Variants in WSCD2 observed in about 807,000 individuals in gnomAD.
WSCD2 encodes sialate:O-sulfotransferase 2.
Under a neutral mutation model 55.7 loss-of-function variants are expected in WSCD2, and 28 were observed. The observed-to-expected ratio is 0.50, with a 90% CI of 0.37 to 0.69. WSCD2 has a LOEUF of 0.69. Among genes scored for constraint, WSCD2 ranks in the 30% least tolerant of loss-of-function variants. WSCD2 has a pLI of 0.00. For missense variants in WSCD2, 616 were observed against 762.1 expected (o/e 0.81, Z 2.26); for synonymous variants, 301 against 301.9 (o/e 1.00, Z 0.03).
intron 1 of WSCD2, among the ~76,000 whole-genome samples, chr12:108,190,983 G>A (rs1288012873): frequency 6.6e-6 from 1 of 152,212 alleles, no homozygotes; most frequent in Non-Finnish European, 1.5e-5. Context: ...GAAGATGGCA[G>A]CTCAGAGAGA....
At chr12:108,247,043 G>A (rs1347442187) in intron 8 of WSCD2, among the ~76,000 whole-genome samples, 1 of 152,164 alleles carries the variant, frequency 6.6e-6, no homozygotes, top group African/African-American at 2.4e-5. Flanking sequence ...TTGTACAAGA[G>A]CTCCATTATT....
chr12:108,191,639 T>A (rs1883177898), intron 1 of WSCD2, among the ~76,000 whole-genome samples: 1 of 152,210 alleles, frequency 6.6e-6, no homozygotes, highest in African/African-American at 2.4e-5. Flanking sequence ...AACCTGACTC[T>A]TTTTACTCAT....
At chr12:108,135,986 C>T (rs1876168466) in intron 1 of WSCD2, among the ~76,000 whole-genome samples, 1 of 152,202 alleles carries the variant, frequency 6.6e-6, no homozygotes, top group African/African-American at 2.4e-5. Context: ...AACTTGCTGA[C>T]CCATGAGCTA....
intron 1 of WSCD2, among the ~76,000 whole-genome samples, chr12:108,173,716 A>G (rs776614860): frequency 2.6e-5 from 4 of 152,054 alleles, no homozygotes; most frequent in Admixed American, 2.0e-4. Flanking sequence ...CTGTACAACC[A>G]GGAGTCCTGT....
intron 7 of WSCD2, among the ~76,000 whole-genome samples, chr12:108,238,069 TG>T (rs1327402171): frequency 6.6e-6 from 1 of 152,236 alleles, no homozygotes; most frequent in Non-Finnish European, 1.5e-5. Flanking sequence ...CCTTTGTCCA[TG>T]TCATGCAGAG....
At chr12:108,235,019 C>T (rs79565616) in intron 7 of WSCD2, among the ~76,000 whole-genome samples, 4,307 of 152,216 alleles carry the variant, frequency 0.028, 188 homozygotes, top group African/African-American at 0.097. Flanking sequence ...TCTGATCTAA[C>T]TCAACCTCCT....
At chr12:108,132,314 T>C (rs141481262) in intron 1 of WSCD2, among the ~76,000 whole-genome samples, 49 of 152,254 alleles carry the variant, frequency 3.2e-4, no homozygotes, top group Non-Finnish European at 6.6e-4. Flanking sequence ...ACAATTTGCT[T>C]TCATGGTAGA....
At chr12:108,241,926 G>T (rs1889777564) in intron 8 of WSCD2, among the ~76,000 whole-genome samples, 3 of 152,194 alleles carry the variant, frequency 2.0e-5, no homozygotes, top group Non-Finnish European at 2.9e-5. Flanking sequence ...TGGTAGAGCT[G>T]GGATTTGAAC....
rs553625012 is a variant in WSCD2 at position 108,210,379 on chromosome 12, A to G, written c.682+74A>G. 6.7e-7 allele frequency: 1 copy of G among 1,495,948 alleles called. No homozygotes were observed. The highest frequency in any genetic ancestry group is 2.4e-5 in the East Asian group (1 of 40,836). The allele number at this position is 1,495,948 out of a possible 1,614,324, so 92.7% of individuals were successfully genotyped here. A position where few individuals can be genotyped will look rare whatever the true frequency, so the allele number is the denominator to read the frequency against. ...GCCCTTGCCCACCAAAGAGTCCCAC[A>G]TGTCTGCCCTGTACCCTCCATGGCT... On this transcript the variant is annotated intron_variant, in intron 4 of 8. Coordinates refer to ENST00000547525, the MANE Select transcript of WSCD2 (RefSeq NM_014653.4). This position sits in a 1 kb window ranked among gnomAD's most constrained non-coding sequence, Gnocchi z 4.3.
At chr12:108,192,657 A>G (rs1360809369) in intron 1 of WSCD2, among the ~76,000 whole-genome samples, 3 of 152,050 alleles carry the variant, frequency 2.0e-5, no homozygotes, top group African/African-American at 4.8e-5. Flanking sequence ...CAGTCCCCCA[A>G]GCTCCTTTGT....
At chr12:108,143,713 C>A (rs1877096615) in intron 1 of WSCD2, among the ~76,000 whole-genome samples, 1 of 152,176 alleles carries the variant, frequency 6.6e-6, no homozygotes, top group Non-Finnish European at 1.5e-5. Context: ...ATGGGAGGCA[C>A]TCCACATCCT....
intron 7 of WSCD2, among the ~76,000 whole-genome samples, chr12:108,236,674 T>C (rs1012304846): frequency 3.9e-5 from 6 of 152,064 alleles, no homozygotes; most frequent in African/African-American, 1.4e-4. Flanking sequence ...TCTCTCTTTG[T>C]GTCTCTCTCT....
chr12:108,157,350 G>A (rs1296171333), intron 1 of WSCD2, among the ~76,000 whole-genome samples: 4 of 152,052 alleles, frequency 2.6e-5, no homozygotes, highest in Non-Finnish European at 5.9e-5. Context: ...GAAGTTCATG[G>A]CATACATTGG....
chr12:108,130,972 G>T (rs1471162159), intron 1 of WSCD2, among the ~76,000 whole-genome samples: 1 of 152,168 alleles, frequency 6.6e-6, no homozygotes. Context: ...CGCCCCTGTG[G>T]TCACAGCCCC....
chr12:108,138,031 A>G (rs578161243), intron 1 of WSCD2, among the ~76,000 whole-genome samples: 4 of 152,236 alleles, frequency 2.6e-5, no homozygotes, highest in Non-Finnish European at 5.9e-5. Context: ...GCTGTACATG[A>G]GCTACAACTG....
rs760991833 is a variant in WSCD2, at chr12:108,210,208, C to T, written c.585C>T (p.Cys195=). 8 of 1,613,826 alleles carry T rather than the reference C, an allele frequency of 5.0e-6. No individual in the cohort carries two copies. Among genetic ancestry groups the T allele is most frequent in the South Asian group, 3.3e-5 (3 of 91,070 alleles). Reference sequence around the variant, plus strand: ...CGACGAACGTGAGCGAGGCAGAGTGCGACATGGAGTGCAAGGGCGAGCGAG... The same window carrying T: ...CGACGAACGTGAGCGAGGCAGAGTGTGACATGGAGTGCAAGGGCGAGCGAG... ...IQATNVSEAE[C]DMECKGERGS... Residue 195 remains cysteine, a synonymous_variant, in exon 4 of 9, where the codon TGC becomes TGT. Transcript: ENST00000547525. This position sits in a 1 kb window ranked among gnomAD's most constrained non-coding sequence, Gnocchi z 4.3.
In WSCD2 at chr12:108,206,372, A is replaced by G. The variant is rs766940396; in HGVS notation, c.466A>G (p.Ile156Val). ...VSFFDYKKMT[I>V]FRCQDNCAER... ...CTTTTTTGACTACAAAAAGATGACC[A>G]TCTTCCGTTGCCAGGACAACTGTGC... Residue 156 changes from isoleucine to valine, a missense_variant, in exon 3 of 9, where the codon ATC (isoleucine) becomes GTC (valine). This residue lies in a region of WSCD2 where 374 missense variants were observed against 467.4 expected (regional missense o/e 0.80). Coordinates refer to ENST00000547525, the MANE Select transcript of WSCD2 (RefSeq NM_014653.4). 1 of 1,614,198 alleles carries G rather than the reference A, an allele frequency of 6.2e-7. No individual in the cohort carries two copies. Among genetic ancestry groups the G allele is most frequent in the South Asian group, 1.1e-5 (1 of 91,082 alleles).
intron 8 of WSCD2, among the ~76,000 whole-genome samples, chr12:108,247,020 T>A (rs1249400710): frequency 1.3e-5 from 2 of 152,218 alleles, no homozygotes; most frequent in Non-Finnish European, 2.9e-5. Context: ...CTTTGTTATA[T>A]GTTTTTTCTA....
intron 7 of WSCD2, among the ~76,000 whole-genome samples, chr12:108,234,288 GAT>G (rs1238764659): frequency 1.3e-5 from 2 of 152,216 alleles, no homozygotes; most frequent in Non-Finnish European, 2.9e-5. Context: ...GCTTGGTGCT[GAT>G]AGAGAGTCAT....
Sources: allele counts gnomAD v4.1 joint callset (sites outside exome capture counted in the v4.1 genomes callset), GRCh38; gene constraint gnomAD v4.1.1; regional missense constraint gnomAD v4.1.1; non-coding constraint Gnocchi (gnomAD v3.1); transcripts MANE v1.5; gene names NCBI Gene and HGNC (gene_info 2026-07-23, HGNC 2026-07-21).